Variants in LYPD1 observed in about 807,000 individuals in gnomAD.
LYPD1 encodes the protein LY6/PLAUR domain containing 1.
Under a neutral mutation model 14.2 loss-of-function variants are expected in LYPD1, and 14 were observed. The observed-to-expected ratio is 0.99, with a 90% CI of 0.65 to 1.54. The LOEUF (loss-of-function observed/expected upper bound fraction) is 1.54, where lower values mean the gene tolerates loss of function less well. Among genes scored for constraint, LYPD1 ranks in the 40% most tolerant of loss-of-function variants. LYPD1 has a pLI of 0.00. For synonymous variants in LYPD1, 85 were observed against 70.6 expected, an observed-to-expected ratio of 1.20 and a Z score of -1.02; for missense variants, 165 against 175.7, an observed-to-expected ratio of 0.94 and a Z score of 0.34.
At position 132,645,444 on chromosome 2, in the gene LYPD1, C is replaced by T. The variant is rs764563761; in HGVS notation, c.*601G>A. On this transcript the variant is annotated 3_prime_UTR_variant, in exon 3 of 3. Transcript: ENST00000397463. Reference sequence around the variant, plus strand: ...TGCTCTTCGCGTCCCGGCGCCAGTCCTCTGCAAGGAGAACTGAGAAGATTT... The same window carrying T: ...TGCTCTTCGCGTCCCGGCGCCAGTCTTCTGCAAGGAGAACTGAGAAGATTT... 3.7e-6 allele frequency: 6 copies of T among 1,613,662 alleles called. No homozygotes were observed. The highest frequency in any genetic ancestry group is 2.7e-5 in the African/African-American group (2 of 74,924).
At position 132,645,726 on chromosome 2, in the gene LYPD1, C is replaced by T. The variant is rs1208430928; in HGVS notation, c.*319G>A. 3 of 1,375,608 alleles carry T rather than the reference C, an allele frequency of 2.2e-6. No homozygotes were observed. The highest frequency in any genetic ancestry group is 5.0e-5 in the Admixed American group (2 of 40,026). 85.2% of individuals were successfully genotyped at this position (1,375,608 alleles called of 1,614,324 possible). ...GATGGAATGGACACTGGAGGCTTTA[C>T]AAAAGGCAGATGCCCACCTCAGTGA... On this transcript the variant is annotated 3_prime_UTR_variant, in exon 3 of 3. Coordinates refer to ENST00000397463, the MANE Select transcript of LYPD1 (RefSeq NM_144586.7).
chr2:132,659,432 A>G (rs1368292612), intron 2 of LYPD1, among the ~76,000 whole-genome samples: 2 of 152,238 alleles, frequency 1.3e-5, no homozygotes, highest in African/African-American at 4.8e-5. Flanking sequence ...CATAGAAATG[A>G]AAGCCGTGAA....
chr2:132,655,739 C>G (rs1307042628), intron 2 of LYPD1, among the ~76,000 whole-genome samples: 1 of 152,052 alleles, frequency 6.6e-6, no homozygotes, highest in Admixed American at 6.5e-5. Context: ...TGGTCTCGAT[C>G]TCCTGACCTC....
intron 2 of LYPD1, among the ~76,000 whole-genome samples, chr2:132,651,581 C>T (rs1682363307): frequency 6.6e-6 from 1 of 152,134 alleles, no homozygotes; most frequent in Admixed American, 6.5e-5. Flanking sequence ...CACCATGTAC[C>T]TTCAAAACAA....
chr2:132,647,326 G>A (rs947611754), intron 2 of LYPD1, among the ~76,000 whole-genome samples: 2 of 152,202 alleles, frequency 1.3e-5, no homozygotes, highest in Non-Finnish European at 2.9e-5. Context: ...CTGTCAAGAC[G>A]GTGTTTACTG....
intron 2 of LYPD1, among the ~76,000 whole-genome samples, chr2:132,660,886 C>T (rs1222410345): frequency 6.6e-6 from 1 of 152,142 alleles, no homozygotes; most frequent in South Asian, 2.1e-4. Context: ...TTGTAGACGA[C>T]CAAATCATGC....
At chr2:132,650,020 CAAGTGA>C (rs1442658681) in intron 2 of LYPD1, among the ~76,000 whole-genome samples, 1 of 151,944 alleles carries the variant, frequency 6.6e-6, no homozygotes. Flanking sequence ...GACAAAAAGA[CAAGTGA>C]AACATTGGAA....
At position 132,646,191 on chromosome 2, in the gene LYPD1, T is replaced by G; in HGVS notation, c.280A>C (p.Asn94His). ...YQSFCSPGKL[N>H]SVCISCCNTP... is the part of the protein sequence containing the mutation. ...TTGCAGCAGCTGATGCAAACTGAGT[T>G]CAGTTTCCCTGGGGAGCAGAAGGAC... Residue 94 changes from asparagine to histidine, a missense_variant, in exon 3 of 3, where the codon AAC becomes CAC. By Grantham distance (68) the Asn-to-His change is moderately conservative. Transcript: ENST00000397463. 1 of 1,609,122 alleles carries G rather than the reference T, an allele frequency of 6.2e-7. No homozygotes were observed. Among genetic ancestry groups the G allele is most frequent in the South Asian group, 1.1e-5 (1 of 90,176 alleles).
intron 2 of LYPD1, among the ~76,000 whole-genome samples, chr2:132,657,729 G>A (rs1291013499): frequency 6.6e-6 from 1 of 152,160 alleles, no homozygotes; most frequent in Non-Finnish European, 1.5e-5. Flanking sequence ...GACATTTGTT[G>A]GTATATGTGT....
Position 132,670,021 on chromosome 2 carries a change from G to A in LYPD1, c.-89C>T. 1 of 1,570,096 alleles carries A rather than the reference G, an allele frequency of 6.4e-7. No homozygotes were observed. The highest frequency in any genetic ancestry group is 8.6e-7 in the Non-Finnish European group (1 of 1,165,812). On this transcript the variant is annotated 5_prime_UTR_variant, in exon 1 of 3. Transcript: ENST00000397463. The surrounding 1 kb of genome is among the most constrained non-coding windows in gnomAD (Gnocchi z 4.5). ...TGCCCCGGCTGCAGCGGCTGTGGCT[G>A]CCGAGGCTGCTGGGGCCCGCGCTGC...
At chr2:132,660,207 TTAAAA>T (rs1308860796) in intron 2 of LYPD1, among the ~76,000 whole-genome samples, 9 of 152,240 alleles carry the variant, frequency 5.9e-5, no homozygotes, top group African/African-American at 2.2e-4. Flanking sequence ...CACAACTTCC[TTAAAA>T]TAATACAACT....
intron 2 of LYPD1, among the ~76,000 whole-genome samples, chr2:132,661,489 T>C (rs1204167605): frequency 3.3e-5 from 5 of 152,218 alleles, no homozygotes; most frequent in African/African-American, 1.2e-4. Flanking sequence ...GGTAGGGATC[T>C]GCTAAACCTG....
At chr2:132,647,772 CG>C (rs1682183315) in intron 2 of LYPD1, among the ~76,000 whole-genome samples, 2 of 152,102 alleles carry the variant, frequency 1.3e-5, no homozygotes, top group African/African-American at 4.8e-5. Flanking sequence ...CACCAGCAGC[CG>C]GGGCTCCTTA....
In LYPD1 at chr2:132,645,314, A is replaced by C; in HGVS notation, c.*731T>G. On this transcript the variant is annotated 3_prime_UTR_variant, in exon 3 of 3. Transcript: ENST00000397463. Reference sequence around the variant, plus strand: ...CAGCAGTTTCGGCGGGTGTTCGTGCAGGTGCTGTGCTGCCGCCTGTCGCTG... The same window carrying C: ...CAGCAGTTTCGGCGGGTGTTCGTGCCGGTGCTGTGCTGCCGCCTGTCGCTG... 1 of 1,614,168 alleles carries C rather than the reference A, an allele frequency of 6.2e-7. No homozygotes were observed. The highest frequency in any genetic ancestry group is 8.5e-7 in the Non-Finnish European group (1 of 1,180,026).
intron 2 of LYPD1, among the ~76,000 whole-genome samples, chr2:132,652,472 A>G (rs1171449142): frequency 6.6e-6 from 1 of 152,206 alleles, no homozygotes; most frequent in Non-Finnish European, 1.5e-5. Flanking sequence ...CTTGGTTGAC[A>G]AAGGCAGAAC....
intron 2 of LYPD1, among the ~76,000 whole-genome samples, chr2:132,657,603 A>G (rs1269379863): frequency 1.3e-5 from 2 of 152,338 alleles, no homozygotes; most frequent in East Asian, 3.9e-4. Flanking sequence ...AAGCACCCTT[A>G]TATTTGTCAC....
intron 2 of LYPD1, among the ~76,000 whole-genome samples, chr2:132,663,310 G>A (rs1165518397): frequency 6.6e-6 from 1 of 152,168 alleles, no homozygotes; most frequent in Admixed American, 6.5e-5. Context: ...GTCTCACTCT[G>A]TTGCCCAGGC....
chr2:132,663,505 C>A (rs2104921982), intron 2 of LYPD1, among the ~76,000 whole-genome samples: 1 of 152,244 alleles, frequency 6.6e-6, no homozygotes, highest in Admixed American at 6.5e-5. Context: ...AAACTCCTGA[C>A]CTCAGGTGAT....
Position 132,644,054 on chromosome 2 carries a change from A to G in LYPD1, c.*1991T>C, listed in dbSNP as rs1188465616. Among the ~76,000 whole-genome samples the G allele has an allele frequency of 6.6e-6, 1 of 152,222 alleles. No homozygotes were observed. The highest frequency in any genetic ancestry group is 2.4e-5 in the African/African-American group (1 of 41,460). ...GGGTGTCTTGGCTCCTTACGAAAAG[A>G]GAGAGCAAATGCTTCACAGATCCCC... On this transcript the variant is annotated 3_prime_UTR_variant, in exon 3 of 3. Transcript: ENST00000397463.
Sources: allele counts gnomAD v4.1 joint callset (sites outside exome capture counted in the v4.1 genomes callset), GRCh38; gene constraint gnomAD v4.1.1; non-coding constraint Gnocchi (gnomAD v3.1); transcripts MANE v1.5; gene names NCBI Gene and HGNC (gene_info 2026-07-23, HGNC 2026-07-21).